ARHGAP12: variants seen among roughly 807,000 people sequenced by gnomAD.
ARHGAP12 encodes rho GTPase-activating protein 12.
In ARHGAP12, 64 loss-of-function variants were observed where a neutral mutation model predicts 108.6. That is an observed-to-expected ratio of 0.59 (90% CI 0.48 to 0.73). ARHGAP12 has a LOEUF of 0.73. ARHGAP12 is among the 30% of genes least tolerant of loss of function. The pLI is 0.00. For synonymous variants in ARHGAP12, 312 were observed against 337.2 expected (o/e 0.93, Z 0.82); for missense variants, 940 against 1,005.9 (o/e 0.93, Z 0.89).
intron 9 of ARHGAP12, among the ~76,000 whole-genome samples, chr10:31,838,213 C>G (rs1836099091): frequency 1.3e-5 from 2 of 152,134 alleles, no homozygotes; most frequent in African/African-American, 4.8e-5. Flanking sequence ...AGAAATGACA[C>G]ACACAAGGAC....
intron 3 of ARHGAP12, among the ~76,000 whole-genome samples, chr10:31,907,633 TAAAAAAAAAA>T (rs201334534): frequency 7.8e-6 from 1 of 127,658 alleles, no homozygotes; most frequent in Non-Finnish European, 1.7e-5. Context: ...GACCTTGTCT[TAAAAAAAAAA>T]AAAAAAAAGA....
At chr10:31,859,305 A>ATT (rs1837019835) in intron 4 of ARHGAP12, among the ~76,000 whole-genome samples, 1 of 152,222 alleles carries the variant, frequency 6.6e-6, no homozygotes, top group Non-Finnish European at 1.5e-5. Context: ...TCCAAAAGGA[A>ATT]AGACCTAATG....
chr10:31,903,649 T>C (rs1839012532), intron 3 of ARHGAP12, among the ~76,000 whole-genome samples: 1 of 151,978 alleles, frequency 6.6e-6, no homozygotes. Context: ...AAAGACACTA[T>C]CAAGAGGATG....
At chr10:31,855,011 G>A (rs543873008) in intron 4 of ARHGAP12, among the ~76,000 whole-genome samples, 111 of 130,532 alleles carry the variant, frequency 8.5e-4, no homozygotes, top group African/African-American at 3.1e-3. Context: ...AGGAGGAGCA[G>A]GAGGAGGATG....
At chr10:31,813,350 A>T (rs1359737434) in intron 14 of ARHGAP12, among the ~76,000 whole-genome samples, 1 of 152,150 alleles carries the variant, frequency 6.6e-6, no homozygotes, top group Non-Finnish European at 1.5e-5. Context: ...AATTATTTGT[A>T]CTCTAAGCTA....
chr10:31,854,738 G>C (rs867903426), intron 4 of ARHGAP12, among the ~76,000 whole-genome samples: 9 of 151,814 alleles, frequency 5.9e-5, no homozygotes, highest in Non-Finnish European at 1.2e-4. Context: ...TCAAATGCTT[G>C]TTAAAGACTA....
chr10:31,816,314 A>C (rs966806941), intron 13 of ARHGAP12, among the ~76,000 whole-genome samples: 3 of 151,964 alleles, frequency 2.0e-5, no homozygotes, highest in African/African-American at 7.3e-5. Context: ...TTCCCTAACT[A>C]ATACACTAGG....
intron 3 of ARHGAP12, among the ~76,000 whole-genome samples, chr10:31,907,798 C>T (rs1381496846): frequency 1.3e-5 from 2 of 152,012 alleles, no homozygotes; most frequent in African/African-American, 4.8e-5. Flanking sequence ...CTTCTTGGAA[C>T]CAAGTCAAAA....
chr10:31,870,495 G>A (rs1837501127), intron 3 of ARHGAP12, among the ~76,000 whole-genome samples: 1 of 152,066 alleles, frequency 6.6e-6, no homozygotes. Flanking sequence ...CTCCCAAAGT[G>A]CTGGGATTCC....
intron 3 of ARHGAP12, among the ~76,000 whole-genome samples, chr10:31,901,289 C>T (rs574573617): frequency 2.0e-5 from 3 of 150,410 alleles, no homozygotes; most frequent in African/African-American, 7.3e-5. Flanking sequence ...CCCAGCACTT[C>T]GGGAGACAGA....
intron 1 of ARHGAP12, among the ~76,000 whole-genome samples, chr10:31,911,110 G>A (rs562508726): frequency 1.3e-5 from 2 of 152,074 alleles, no homozygotes; most frequent in Non-Finnish European, 2.9e-5. Flanking sequence ...TGCAGGCTCT[G>A]CCTCCCAGGT....
chr10:31,862,549 T>C (rs935932541), intron 3 of ARHGAP12, among the ~76,000 whole-genome samples: 1 of 152,182 alleles, frequency 6.6e-6, no homozygotes, highest in African/African-American at 2.4e-5. Context: ...TATTTCTGTA[T>C]ATATTTTCCT....
intron 9 of ARHGAP12, among the ~76,000 whole-genome samples, chr10:31,833,782 T>G: frequency 6.6e-6 from 1 of 152,092 alleles, no homozygotes; most frequent in East Asian, 1.9e-4. Context: ...TCAGCTAGAC[T>G]GAAACAGCAG....
intron 12 of ARHGAP12, 66 bp downstream of exon 12, chr10:31,820,321 C>T (rs1835357722): frequency 1.5e-6 from 2 of 1,299,082 alleles, no homozygotes; most frequent in South Asian, 3.0e-5. Context: ...CCCAAAATAG[C>T]TCAAAAAACA....
intron 3 of ARHGAP12, among the ~76,000 whole-genome samples, chr10:31,868,752 A>G (rs1837426973): frequency 6.6e-6 from 1 of 151,952 alleles, no homozygotes; most frequent in South Asian, 2.1e-4. Flanking sequence ...CCTGGGCAAC[A>G]CCGAGACCCT....
At chr10:31,810,588 T>C (rs368991632) in intron 16 of ARHGAP12, 61 bp downstream of exon 16, 27 of 1,181,072 alleles carry the variant, frequency 2.3e-5, no homozygotes, top group African/African-American at 1.7e-4. Flanking sequence ...GGAATTTTGA[T>C]GGCAAAACAA....
At chr10:31,863,280 T>C (rs905391842) in intron 3 of ARHGAP12, among the ~76,000 whole-genome samples, 3 of 152,232 alleles carry the variant, frequency 2.0e-5, no homozygotes, top group Non-Finnish European at 2.9e-5. Context: ...ATGTGTTTTC[T>C]CTGATGAAAA....
intron 4 of ARHGAP12, among the ~76,000 whole-genome samples, chr10:31,857,222 A>G (rs2808088): frequency 0.46 from 69,257 of 151,998 alleles, 16,131 homozygotes; most frequent in Middle Eastern, 0.51. Flanking sequence ...TAGATGAATG[A>G]TACATGGCAT....
chr10:31,924,165 A>G (rs1165770955), intron 1 of ARHGAP12, among the ~76,000 whole-genome samples: 2 of 152,248 alleles, frequency 1.3e-5, no homozygotes, highest in African/African-American at 2.4e-5. Flanking sequence ...AAAGTTAAAC[A>G]TACGCTTACT....
Sources: allele counts gnomAD v4.1 joint callset (sites outside exome capture counted in the v4.1 genomes callset), GRCh38; gene constraint gnomAD v4.1.1; transcripts MANE v1.5; gene names NCBI Gene and HGNC (gene_info 2026-07-23, HGNC 2026-07-21).